The following TTLL4 variants were observed in gnomAD, a reference collection of about 807,000 sequenced individuals.
TTLL4 encodes tubulin monoglutamylase TTLL4.
Under a neutral mutation model 122.7 loss-of-function variants are expected in TTLL4, and 85 were observed. That is an observed-to-expected ratio of 0.69 (90% CI 0.58 to 0.83). The LOEUF is 0.83. Among genes scored for constraint, TTLL4 ranks in the 40% least tolerant of loss-of-function variants. The probability of loss-of-function intolerance (pLI) is 0.00; values close to 1 mark genes in which losing one functional copy is unlikely to be tolerated. For missense variants in TTLL4, 1,363 were observed against 1,488.6 expected (o/e 0.92, Z 1.39); for synonymous variants, 553 against 563.0 (o/e 0.98, Z 0.25).
At chr2:218,730,747 A>G (rs568882412) in intron 2 of TTLL4, among the ~76,000 whole-genome samples, 23 of 151,974 alleles carry the variant, frequency 1.5e-4, no homozygotes, top group African/African-American at 5.5e-4. Flanking sequence ...GGAATCAGCC[A>G]TTTTTCAAGG....
chr2:218,741,631 G>A (rs1440314524), intron 5 of TTLL4, among the ~76,000 whole-genome samples: 1 of 152,162 alleles, frequency 6.6e-6, no homozygotes, highest in Non-Finnish European at 1.5e-5. Context: ...CCCTGAGTCT[G>A]ATGCATAAAT....
At chr2:218,720,149 A>G (rs920494229) in intron 1 of TTLL4, among the ~76,000 whole-genome samples, 3 of 152,220 alleles carry the variant, frequency 2.0e-5, no homozygotes, top group African/African-American at 7.2e-5. Flanking sequence ...TTGGACATGC[A>G]TTTGGAAAGG....
Position 218,754,237 on chromosome 2 carries a change from A to C in TTLL4, c.3448A>C (p.Ser1150Arg). Residue 1150 changes from serine to arginine, a missense_variant, in exon 20 of 20, where the codon AGT (serine) becomes CGT (arginine). This residue lies in a region of TTLL4 where 596 missense variants were observed against 655.8 expected (regional missense o/e 0.91). Transcript: ENST00000392102. ...AGLSPYPQKP[S>R]SSKDSEDTSK... ...CCTTTCCCCTTATCCCCAGAAACCC[A>C]GTTCCTCAAAGGACAGTGAGGACAC... is the stretch of plus-strand genomic sequence containing the variant. 6.2e-7 allele frequency: 1 copy of C among 1,614,160 alleles called. No homozygotes were observed. The highest frequency in any genetic ancestry group is 8.5e-7 in the Non-Finnish European group (1 of 1,180,032).
intron 2 of TTLL4, among the ~76,000 whole-genome samples, chr2:218,728,921 ATTTTTTTTT>A (rs1191716175): frequency 1.4e-5 from 1 of 69,214 alleles, no homozygotes; most frequent in South Asian, 4.8e-4. Flanking sequence ...CTGGTGGTCT[ATTTTTTTTT>A]TTTTTTTTTT....
intron 5 of TTLL4, 75 bp downstream of exon 5, chr2:218,740,659 C>T (rs1236461435): frequency 2.0e-6 from 3 of 1,536,404 alleles, no homozygotes; most frequent in Non-Finnish European, 2.7e-6. Context: ...ATAAACCACT[C>T]AAGTCATTAA....
intron 1 of TTLL4, among the ~76,000 whole-genome samples, chr2:218,726,821 T>C (rs772740898): frequency 8.8e-5 from 13 of 146,940 alleles, no homozygotes; most frequent in Non-Finnish European, 1.7e-4. Flanking sequence ...TCTTTTTTTT[T>C]TGAGATGGAG....
At chr2:218,732,075 C>T (rs191573689) in intron 2 of TTLL4, among the ~76,000 whole-genome samples, 1 of 152,236 alleles carries the variant, frequency 6.6e-6, no homozygotes, top group African/African-American at 2.4e-5. Flanking sequence ...AAAGTAAGTT[C>T]CTTGCAAGCT....
rs1197179548 is a variant in TTLL4 at position 218,748,470 on chromosome 2, C to A, written c.2501+243C>A. On this transcript the variant is annotated intron_variant, in intron 12 of 19. Coordinates refer to ENST00000392102, the MANE Select transcript of TTLL4 (RefSeq NM_014640.5). ...AGGAGTACAGGACCAGCCTGGCCAA[C>A]ATGGCGAAGCCCTGCGTCTACTAAA... 1.3e-5 allele frequency: 7 copies of A among 523,484 alleles called. No individual in the cohort carries two copies. The South Asian group carries it at 1.9e-4, about 14-fold the overall frequency. 32.4% of individuals were successfully genotyped at this position (523,484 alleles called of 1,614,324 possible). A position where few individuals can be genotyped will look rare whatever the true frequency, so the allele number is the denominator to read the frequency against.
chr2:218,758,069 G>A (rs1423015679), downstream of TTLL4, among the ~76,000 whole-genome samples: 1 of 152,058 alleles, frequency 6.6e-6, no homozygotes, highest in Non-Finnish European at 1.5e-5. Flanking sequence ...ATTAATATCC[G>A]GGGATCTATG....
At chr2:218,721,062 C>T (rs1036014451) in intron 1 of TTLL4, among the ~76,000 whole-genome samples, 2 of 152,186 alleles carry the variant, frequency 1.3e-5, no homozygotes, top group Non-Finnish European at 2.9e-5. Context: ...AGCTCCAAGC[C>T]CTTTTCCCCA....
intron 5 of TTLL4, among the ~76,000 whole-genome samples, chr2:218,743,871 G>A (rs1942771406): frequency 6.6e-6 from 1 of 152,064 alleles, no homozygotes. Context: ...TAGAGACGGG[G>A]TTTCCCCATG....
Position 218,738,961 on chromosome 2 carries a change from A to T in TTLL4, c.1285A>T (p.Ser429Cys). Residue 429 changes from serine to cysteine, a missense_variant, in exon 3 of 20, where the codon AGT becomes TGT. Ser to Cys is a moderately radical substitution (Grantham distance 112). This residue lies in a region of TTLL4 where 760 missense variants were observed against 808.4 expected (regional missense o/e 0.94). Transcript: ENST00000392102. Reference sequence around the variant, plus strand: ...CATTCACCTCCTTGCCTCACATGCCAGTGGGCTCAATCACAACCCTGCCTG... The same window carrying T: ...CATTCACCTCCTTGCCTCACATGCCTGTGGGCTCAATCACAACCCTGCCTG... ...ISIHLLASHA[S>C]GLNHNPACES... The T allele has an allele frequency of 6.2e-7, 1 of 1,614,200 alleles. No homozygotes were observed. Among genetic ancestry groups the T allele is most frequent in the Non-Finnish European group, 8.5e-7 (1 of 1,180,032 alleles).
intron 1 of TTLL4, among the ~76,000 whole-genome samples, chr2:218,721,321 G>A (rs562454933): frequency 1.4e-4 from 21 of 152,158 alleles, no homozygotes; most frequent in African/African-American, 5.1e-4. Context: ...CAAGCGATTC[G>A]CCCCACCCAA....
At chr2:218,734,826 T>C (rs1176256477) in intron 2 of TTLL4, among the ~76,000 whole-genome samples, 1 of 152,214 alleles carries the variant, frequency 6.6e-6, no homozygotes, top group Non-Finnish European at 1.5e-5. Context: ...TGCGTGCTTG[T>C]AGTCTCGTAA....
At chr2:218,728,952 G>A (rs1410366587) in intron 2 of TTLL4, among the ~76,000 whole-genome samples, 1 of 129,550 alleles carries the variant, frequency 7.7e-6, no homozygotes, top group East Asian at 2.1e-4. Flanking sequence ...GGCGGGGGGG[G>A]GCATAGTTTT....
At chr2:218,717,798 CTTCT>C (rs1941908819) in intron 1 of TTLL4, among the ~76,000 whole-genome samples, 1 of 151,398 alleles carries the variant, frequency 6.6e-6, no homozygotes. Flanking sequence ...GTTCTATCTT[CTTCT>C]TTTTTTTTTT....
At chr2:218,720,646 C>T (rs1292966208) in intron 1 of TTLL4, among the ~76,000 whole-genome samples, 2 of 150,418 alleles carry the variant, frequency 1.3e-5, no homozygotes, top group Middle Eastern at 3.4e-3. Flanking sequence ...TGCACTCCAG[C>T]CTGGGCAACA....
Position 218,748,817 on chromosome 2 carries a change from T to G in TTLL4, c.2502-19T>G, listed in dbSNP as rs1559373409. ...TTCCTAGAATTTAATTCCTAATACT[T>G]CCTCTTCCTCCTCTGCAGGGCACTG... On this transcript the variant is annotated intron_variant, in intron 12 of 19. Coordinates refer to ENST00000392102, the MANE Select transcript of TTLL4 (RefSeq NM_014640.5). 6.2e-7 allele frequency: 1 copy of G among 1,609,610 alleles called. No homozygotes were observed. The highest frequency in any genetic ancestry group is 1.1e-5 in the South Asian group (1 of 90,858).
Position 218,747,709 on chromosome 2 carries a change from C to A in TTLL4, c.2362C>A (p.Arg788Ser). 1 of 1,614,186 alleles carries A rather than the reference C, an allele frequency of 6.2e-7. No individual in the cohort carries two copies. Among genetic ancestry groups the A allele is most frequent in the Non-Finnish European group, 8.5e-7 (1 of 1,180,030 alleles). The change falls in exon 11 of 20, where the codon CGC becomes AGC. Residue 788 changes from arginine to serine, a missense_variant. By Grantham distance (110) the Arg-to-Ser change is moderately radical. This residue lies in a region of TTLL4 where 596 missense variants were observed against 655.8 expected (regional missense o/e 0.91). Transcript: ENST00000392102. The surrounding 1 kb of genome is among the most constrained non-coding windows in gnomAD (Gnocchi z 4.7). ...TTACCTCTTTTCAGATGGACTGGTC[C>A]GCTTTGCCAGTTGCAAGTATGTGAC... ...RIYLFSDGLV[R>S]FASCKYSPSM... is the part of the protein sequence containing the mutation.
Sources: allele counts gnomAD v4.1 joint callset (sites outside exome capture counted in the v4.1 genomes callset), GRCh38; gene constraint gnomAD v4.1.1; regional missense constraint gnomAD v4.1.1; non-coding constraint Gnocchi (gnomAD v3.1); transcripts MANE v1.5; gene names NCBI Gene and HGNC (gene_info 2026-07-23, HGNC 2026-07-21).